Variants in PCDHGB1 observed in about 807,000 individuals in gnomAD.
The protein encoded by PCDHGB1 is protocadherin gamma subfamily B, 1.
A neutral mutation model predicts 56.6 loss-of-function variants in PCDHGB1; 34 were observed. That is an observed-to-expected ratio of 0.60 (90% CI 0.46 to 0.80). PCDHGB1 has a LOEUF of 0.80. Ranked by LOEUF, PCDHGB1 falls within the 30% of genes least tolerant of loss-of-function variation. The pLI is 0.00. For synonymous variants in PCDHGB1, 561 were observed against 505.9 expected, an observed-to-expected ratio of 1.11 and a Z score of -1.46; for missense variants, 1,278 against 1,204.6, an observed-to-expected ratio of 1.06 and a Z score of -0.90.
chr5:141,475,984 G>C (rs1282216343), intron 1 of PCDHGB1: 1 of 1,069,308 alleles, frequency 9.4e-7, no homozygotes, highest in Non-Finnish European at 1.3e-6. Flanking sequence ...AACAGCCGGC[G>C]AGCAAATCAA....
chr5:141,392,463 AT>A (rs770659302), intron 1 of PCDHGB1: 30 of 173,504 alleles, frequency 1.7e-4, no homozygotes, highest in Non-Finnish European at 2.8e-4. Context: ...TTACGGATAA[AT>A]CAAATAAATT....
intron 1 of PCDHGB1, chr5:141,492,013 T>G: frequency 1.6e-6 from 1 of 610,970 alleles, no homozygotes; most frequent in Non-Finnish European, 2.7e-6. Context: ...TCCGCGGGTG[T>G]CGGGGGTCCC....
At chr5:141,447,178 C>T (rs1258561542) in intron 1 of PCDHGB1, among the ~76,000 whole-genome samples, 2 of 152,094 alleles carry the variant, frequency 1.3e-5, no homozygotes, top group Middle Eastern at 3.4e-3. Context: ...TTGCTCTTGT[C>T]GCGCAGGCTG....
chr5:141,418,523 C>T (rs2096266495), intron 1 of PCDHGB1: 1 of 1,613,958 alleles, frequency 6.2e-7, no homozygotes, highest in Non-Finnish European at 8.5e-7. Context: ...GGACCCTCCC[C>T]GAAGCGGTAC....
chr5:141,465,440 A>T (rs1478987071), intron 1 of PCDHGB1, among the ~76,000 whole-genome samples: 1 of 152,194 alleles, frequency 6.6e-6, no homozygotes, highest in Non-Finnish European at 1.5e-5. Flanking sequence ...CTTAATGATT[A>T]CCCAAGAAAA....
At chr5:141,423,257 G>A in intron 1 of PCDHGB1, 2 of 1,613,946 alleles carry the variant, frequency 1.2e-6, no homozygotes, top group Non-Finnish European at 1.7e-6. Context: ...GCGGACCTCG[G>A]CAGCCTCGAG....
chr5:141,419,420 G>C (rs774685112), intron 1 of PCDHGB1: 10 of 1,613,372 alleles, frequency 6.2e-6, no homozygotes, highest in Non-Finnish European at 7.6e-6. Flanking sequence ...GCGCGCCTTC[G>C]ACCACGAGCA....
chr5:141,476,438 C>G lies in PCDHGB1; in HGVS notation c.2410-18369C>G. On this transcript the variant is annotated intron_variant, in intron 1 of 3. Coordinates refer to ENST00000523390, the MANE Select transcript of PCDHGB1 (RefSeq NM_018922.3). This position sits in a 1 kb window ranked among gnomAD's most constrained non-coding sequence, Gnocchi z 7.6. The stretch of plus-strand genomic sequence containing the variant: ...GACACTGCCCTCTTGCACTGTAACT[C>G]TGGAGTTGGTAGTGGAGAACCCGCT... 1 of 1,614,090 alleles carries G rather than the reference C, an allele frequency of 6.2e-7. No homozygotes were observed. Among genetic ancestry groups the G allele is most frequent in the Non-Finnish European group, 8.5e-7 (1 of 1,180,026 alleles).
intron 1 of PCDHGB1, chr5:141,428,035 A>C (rs776717344): frequency 6.2e-7 from 1 of 1,607,926 alleles, no homozygotes; most frequent in Non-Finnish European, 8.5e-7. Context: ...GAGTCCGGCT[A>C]CCTGGTGACC....
chr5:141,357,108 C>G, intron 1 of PCDHGB1: 9 of 1,613,824 alleles, frequency 5.6e-6, no homozygotes, highest in Non-Finnish European at 7.6e-6. Context: ...TGGACAGAGA[C>G]GCGCTCAAGC....
At position 141,512,348 on chromosome 5, in the gene PCDHGB1, G is replaced by C. The variant is rs1172891268; in HGVS notation, c.*1175G>C. 4 of 152,886 alleles carry C rather than the reference G, an allele frequency of 2.6e-5. No homozygotes were observed. The highest frequency in any genetic ancestry group is 9.6e-5 in the African/African-American group (4 of 41,462). The allele number at this position is 152,886 out of a possible 1,614,324, so 9.5% of individuals were successfully genotyped here. A position where few individuals can be genotyped will look rare whatever the true frequency, so the allele number is the denominator to read the frequency against. ...GGCCATTCTTAGTCCCTGGGTTGGG[G>C]AGGCAGGGAGCTAGGGCAGGGACCA... On this transcript the variant is annotated 3_prime_UTR_variant, in exon 4 of 4. Transcript: ENST00000523390.
chr5:141,430,707 C>T, intron 1 of PCDHGB1: 2 of 1,478,562 alleles, frequency 1.4e-6, no homozygotes, highest in Non-Finnish European at 9.0e-7. Flanking sequence ...GGAACTGCTC[C>T]TGACTTCAGT....
intron 1 of PCDHGB1, chr5:141,377,467 A>G (rs1170946460): frequency 1.3e-5 from 2 of 152,076 alleles, no homozygotes; most frequent in Non-Finnish European, 2.9e-5. Context: ...TGTGTGGCGT[A>G]CACCTGTAGT....
chr5:141,430,276 G>C (rs2097271928), intron 1 of PCDHGB1, among the ~76,000 whole-genome samples: 1 of 151,720 alleles, frequency 6.6e-6, no homozygotes, highest in South Asian at 2.1e-4. Context: ...TGTGTTGGGG[G>C]AACAGTAATC....
chr5:141,351,659 A>G lies in PCDHGB1; in HGVS notation c.1399A>G (p.Ile467Val). The G allele has an allele frequency of 6.2e-7, 1 of 1,614,004 alleles. No individual in the cohort carries two copies. The highest frequency in any genetic ancestry group is 1.6e-4 in the Middle Eastern group (1 of 6,062). Reference protein sequence around the residue: ...VSENNPPGASIAQVSASDPDL... With the variant: ...VSENNPPGASVAQVSASDPDL... ...TGAGAACAACCCACCTGGCGCCTCCATTGCACAAGTAAGCGCCTCCGACCC... is the reference window on the plus strand; with the variant it reads ...TGAGAACAACCCACCTGGCGCCTCCGTTGCACAAGTAAGCGCCTCCGACCC... The change falls in exon 1 of 4, where the codon ATT becomes GTT. Residue 467 changes from isoleucine (I) to valine (V), a missense_variant. Ile to Val is a conservative substitution (Grantham distance 29). Coordinates refer to ENST00000523390, the MANE Select transcript of PCDHGB1 (RefSeq NM_018922.3).
intron 1 of PCDHGB1, chr5:141,366,063 C>G: frequency 6.2e-7 from 1 of 1,614,246 alleles, no homozygotes; most frequent in Non-Finnish European, 8.5e-7. Flanking sequence ...GTGGAGCTGG[C>G]GCCTCGCTCC....
Position 141,510,866 on chromosome 5 carries a change from C to G in PCDHGB1, c.2558-81C>G. 1.9e-6 allele frequency: 3 copies of G among 1,607,908 alleles called. No homozygotes were observed. The East Asian group carries it at 6.7e-5, about 36-fold the overall frequency. ...AGGCCCAGGGTGCTGTATAGGCATT[C>G]ATTAACTGCTGGGGATATAAGACAG... On this transcript the variant is annotated intron_variant, in intron 3 of 3. Coordinates refer to ENST00000523390, the MANE Select transcript of PCDHGB1 (RefSeq NM_018922.3).
At chr5:141,365,992 C>T (rs571544765) in intron 1 of PCDHGB1, 10 of 1,614,132 alleles carry the variant, frequency 6.2e-6, no homozygotes, top group Middle Eastern at 1.6e-4. Context: ...TTGTGCTGGA[C>T]CAGAACGACA....
intron 1 of PCDHGB1, chr5:141,355,410 T>G: frequency 6.2e-7 from 1 of 1,614,014 alleles, no homozygotes; most frequent in Non-Finnish European, 8.5e-7. Flanking sequence ...TCTCCAGAGG[T>G]AGGACGCAGC....
Sources: gnomAD v4.1 joint callset for allele counts (sites outside exome capture counted in the v4.1 genomes callset) on GRCh38, gnomAD v4.1.1 for gene constraint, Gnocchi (gnomAD v3.1) non-coding constraint, MANE v1.5 for transcripts, NCBI Gene and HGNC (gene_info 2026-07-23, HGNC 2026-07-21) for gene names.